Variants in DYNC1I1 observed in about 807,000 individuals in gnomAD.
DYNC1I1 encodes the protein dynein cytoplasmic 1 intermediate chain 1.
Under a neutral mutation model 86.6 loss-of-function variants are expected in DYNC1I1, and 43 were observed. The ratio of observed to expected loss-of-function variants is 0.50; its 90% CI spans 0.39 to 0.64. The LOEUF is 0.64. Among genes scored for constraint, DYNC1I1 ranks in the 30% least tolerant of loss-of-function variants. The pLI is 0.00. For synonymous variants in DYNC1I1, 262 were observed against 283.7 expected (o/e 0.92, Z 0.77); for missense variants, 604 against 788.8 (o/e 0.77, Z 2.81).
intron 5 of DYNC1I1, among the ~76,000 whole-genome samples, chr7:95,830,834 G>C (rs989008104): frequency 8.5e-5 from 13 of 152,136 alleles, no homozygotes; most frequent in African/African-American, 2.4e-5. Context: ...CAGTTTATGA[G>C]AGCCTCGATT....
intron 12 of DYNC1I1, among the ~76,000 whole-genome samples, chr7:96,033,923 T>C (rs1315545148): frequency 6.6e-6 from 1 of 152,064 alleles, no homozygotes; most frequent in Non-Finnish European, 1.5e-5. Flanking sequence ...GGCAGGAGGA[T>C]TGCTTAAGCC....
intron 1 of DYNC1I1, among the ~76,000 whole-genome samples, chr7:95,787,998 A>G (rs1794193906): frequency 6.6e-6 from 1 of 152,188 alleles, no homozygotes; most frequent in Admixed American, 6.5e-5. Context: ...TGTTTGAGGA[A>G]CAGTTAGTAG....
At chr7:95,865,430 T>C (rs11769486) in intron 5 of DYNC1I1, among the ~76,000 whole-genome samples, 30,058 of 152,072 alleles carry the variant, frequency 0.2, 2,977 homozygotes, top group South Asian at 0.23. Context: ...TTTTTTCCTC[T>C]CTACCTTCCT....
chr7:95,860,301 TC>T (rs1338844435), intron 5 of DYNC1I1, among the ~76,000 whole-genome samples: 1 of 152,192 alleles, frequency 6.6e-6, no homozygotes, highest in African/African-American at 2.4e-5. Context: ...CCTTTGCCAT[TC>T]ATCCAGGAAA....
chr7:96,025,840 C>T (rs1015715065), intron 10 of DYNC1I1, among the ~76,000 whole-genome samples: 10 of 150,128 alleles, frequency 6.7e-5, no homozygotes, highest in East Asian at 2.0e-4. Flanking sequence ...TACAAGCTTG[C>T]GGGGGGGGGA....
chr7:96,090,612 T>C (rs546954777), intron 16 of DYNC1I1, among the ~76,000 whole-genome samples: 6 of 152,148 alleles, frequency 3.9e-5, no homozygotes, highest in African/African-American at 1.2e-4. Context: ...TGAAGCTTCA[T>C]GGGTGGATGA....
At chr7:95,882,218 A>G (rs376703697) in intron 6 of DYNC1I1, among the ~76,000 whole-genome samples, 8 of 152,160 alleles carry the variant, frequency 5.3e-5, no homozygotes, top group South Asian at 2.1e-4. Flanking sequence ...GTTGGAAAAA[A>G]TGCTTTTCTT....
At chr7:95,920,607 T>C (rs1791585731) in intron 6 of DYNC1I1, among the ~76,000 whole-genome samples, 1 of 152,240 alleles carries the variant, frequency 6.6e-6, no homozygotes, top group Admixed American at 6.5e-5. Flanking sequence ...AAGTTTTCTT[T>C]ACACTAAAAC....
chr7:96,078,722 T>G (rs1222249277), intron 15 of DYNC1I1, among the ~76,000 whole-genome samples: 1 of 152,318 alleles, frequency 6.6e-6, no homozygotes, highest in East Asian at 1.9e-4. Context: ...CTAATTCTAT[T>G]CAATATCAGA....
chr7:95,898,942 C>A (rs537054930), intron 6 of DYNC1I1, among the ~76,000 whole-genome samples: 2 of 152,244 alleles, frequency 1.3e-5, no homozygotes, highest in South Asian at 4.1e-4. Context: ...TAAACCACAA[C>A]ACAAAGACGT....
intron 9 of DYNC1I1, among the ~76,000 whole-genome samples, chr7:95,988,630 A>G (rs555332468): frequency 9.2e-5 from 14 of 152,326 alleles, no homozygotes; most frequent in African/African-American, 2.6e-4. Context: ...CTTAACAACA[A>G]TGTTCCTTCC....
intron 6 of DYNC1I1, among the ~76,000 whole-genome samples, chr7:95,974,703 A>C (rs751156506): frequency 6.6e-6 from 1 of 152,210 alleles, no homozygotes; most frequent in Admixed American, 6.5e-5. Context: ...CAGAATGAAA[A>C]TTAGAACAGA....
chr7:96,095,235 G>C (rs776603770), intron 16 of DYNC1I1, among the ~76,000 whole-genome samples: 3 of 152,098 alleles, frequency 2.0e-5, no homozygotes, highest in Admixed American at 6.6e-5. Flanking sequence ...ACTCACTTCT[G>C]TTCTAAACTG....
chr7:95,778,900 A>G (rs572371465), intron 1 of DYNC1I1, among the ~76,000 whole-genome samples: 295 of 152,190 alleles, frequency 1.9e-3, no homozygotes, highest in Non-Finnish European at 3.4e-3. Flanking sequence ...TGTGGCTTCC[A>G]GCAGTCCTTC....
chr7:95,886,296 C>T (rs188228089), intron 6 of DYNC1I1, among the ~76,000 whole-genome samples: 2 of 151,924 alleles, frequency 1.3e-5, no homozygotes, highest in African/African-American at 2.4e-5. Flanking sequence ...ATTACCTGAG[C>T]GTGGTGTCAT....
chr7:95,780,358 C>G (rs1793957174), intron 1 of DYNC1I1, among the ~76,000 whole-genome samples: 3 of 151,802 alleles, frequency 2.0e-5, no homozygotes, highest in Non-Finnish European at 4.4e-5. Context: ...AGCTCTGCCT[C>G]CAGGGTTCAT....
At chr7:95,821,689 GTTA>G (rs893951179) in intron 4 of DYNC1I1, among the ~76,000 whole-genome samples, 35 of 151,658 alleles carry the variant, frequency 2.3e-4, no homozygotes, top group East Asian at 1.9e-3. Context: ...ATCATTTTTT[GTTA>G]TTATTATTAT....
At chr7:95,837,044 C>G (rs1358481875) in intron 5 of DYNC1I1, among the ~76,000 whole-genome samples, 1 of 151,814 alleles carries the variant, frequency 6.6e-6, no homozygotes, top group Non-Finnish European at 1.5e-5. Flanking sequence ...GAGAGGCGCT[C>G]TGCTTTTTAG....
intron 6 of DYNC1I1, among the ~76,000 whole-genome samples, chr7:95,963,976 T>G (rs1227459370): frequency 1.3e-5 from 2 of 152,158 alleles, no homozygotes; most frequent in African/African-American, 4.8e-5. Flanking sequence ...CTTTTATAAT[T>G]AATAGAAAAT....
Sources: allele counts gnomAD v4.1 joint callset (sites outside exome capture counted in the v4.1 genomes callset), GRCh38; gene constraint gnomAD v4.1.1; transcripts MANE v1.5; gene names NCBI Gene and HGNC (gene_info 2026-07-23, HGNC 2026-07-21).